Variants in GNAQ observed in about 807,000 individuals in gnomAD.
GNAQ encodes the protein guanine nucleotide-binding protein G(q) subunit alpha.
Under a neutral mutation model 43.9 loss-of-function variants are expected in GNAQ, and 8 were observed. The ratio of observed to expected loss-of-function variants is 0.18; its 90% CI spans 0.11 to 0.33. The LOEUF (loss-of-function observed/expected upper bound fraction) is 0.33, where lower values mean the gene tolerates loss of function less well. GNAQ is among the 10% of genes least tolerant of loss of function. GNAQ has a pLI of 1.00. For synonymous variants in GNAQ, 155 were observed against 170.7 expected (o/e 0.91, Z 0.71); for missense variants, 158 against 450.8 (o/e 0.35, Z 5.88).
intron 2 of GNAQ, among the ~76,000 whole-genome samples, chr9:77,912,212 T>C (rs1417607784): frequency 6.6e-6 from 1 of 152,062 alleles, no homozygotes; most frequent in African/African-American, 2.4e-5. Context: ...ACAAAATAGA[T>C]CAATGGAACA....
chr9:77,982,425 G>A (rs1336612998), intron 1 of GNAQ, among the ~76,000 whole-genome samples: 2 of 152,122 alleles, frequency 1.3e-5, no homozygotes, highest in Non-Finnish European at 2.9e-5. Flanking sequence ...TAATGTTATA[G>A]GCTTCTGAAA....
At chr9:77,970,954 C>T (rs193221484) in intron 1 of GNAQ, among the ~76,000 whole-genome samples, 140 of 152,122 alleles carry the variant, frequency 9.2e-4, no homozygotes, top group African/African-American at 3.2e-3. Context: ...ATATCACCAC[C>T]GATCCCACAG....
intron 2 of GNAQ, among the ~76,000 whole-genome samples, chr9:77,840,091 A>G (rs547383364): frequency 4.4e-4 from 67 of 152,308 alleles, no homozygotes; most frequent in Admixed American, 9.2e-4. Flanking sequence ...TCCAAAGTAC[A>G]TGTTTCATTT....
intron 1 of GNAQ, among the ~76,000 whole-genome samples, chr9:77,976,789 T>C (rs575745087): frequency 5.4e-4 from 82 of 152,318 alleles, no homozygotes; most frequent in African/African-American, 1.9e-3. Flanking sequence ...GATATTTTAT[T>C]TACCTGGAAA....
intron 2 of GNAQ, among the ~76,000 whole-genome samples, chr9:77,817,795 C>T (rs765533761): frequency 1.3e-5 from 2 of 152,094 alleles, no homozygotes; most frequent in African/African-American, 2.4e-5. Context: ...AGCGATGCTG[C>T]ATGGGGATGG....
At chr9:77,786,339 G>A (rs1826478498) in intron 5 of GNAQ, among the ~76,000 whole-genome samples, 2 of 146,104 alleles carry the variant, frequency 1.4e-5, no homozygotes, top group Non-Finnish European at 3.0e-5. Context: ...GATGGTGACA[G>A]AGTGAGACTC....
intron 1 of GNAQ, among the ~76,000 whole-genome samples, chr9:77,998,855 G>A (rs1456366831): frequency 6.6e-6 from 1 of 152,042 alleles, no homozygotes; most frequent in Non-Finnish European, 1.5e-5. Context: ...AGAAGGCCAA[G>A]GCGGGCAGAT....
Position 77,797,600 on chromosome 9 carries a change from C to T in GNAQ, c.525G>A (p.Thr175=), listed in dbSNP as rs781681141. 3.7e-5 allele frequency: 59 copies of T among 1,613,014 alleles called. No homozygotes were observed. Among genetic ancestry groups the T allele is most frequent in the Middle Eastern group, 1.6e-4 (1 of 6,084 alleles). Residue 175 remains threonine (T), a synonymous_variant, in exon 4 of 7, where the codon ACG becomes ACA. Transcript: ENST00000286548. ...CTCGAACTCTAAGCACATCTTGTTG[C>T]GTAGGCAGGTAGGCAGGGTCAGCTA... The part of the protein sequence containing the change: ...DRVADPAYLP[T]QQDVLRVRVP...
chr9:78,031,060 G>C, intron 1 of GNAQ, 40 bp downstream of exon 1: 1 of 1,374,300 alleles, frequency 7.3e-7, no homozygotes, highest in Non-Finnish European at 9.5e-7. Flanking sequence ...ATGGTGGGCT[G>C]GGGGCGCAGA....
intron 1 of GNAQ, among the ~76,000 whole-genome samples, 179 bp downstream of exon 1, chr9:78,030,913 GTGTGTGTC>G (rs1331396911): frequency 1.2e-3 from 175 of 141,186 alleles, no homozygotes; most frequent in Non-Finnish European, 1.5e-3. Context: ...GTGTGTGTGT[GTGTGTGTC>G]TGTGTGTAAC....
intron 2 of GNAQ, among the ~76,000 whole-genome samples, chr9:77,904,598 C>T (rs1340094470): frequency 6.6e-6 from 1 of 152,048 alleles, no homozygotes; most frequent in African/African-American, 2.4e-5. Flanking sequence ...TCCCAAAGTG[C>T]TGGGATTACA....
At chr9:77,888,541 T>A (rs1182493743) in intron 2 of GNAQ, among the ~76,000 whole-genome samples, 6 of 152,216 alleles carry the variant, frequency 3.9e-5, no homozygotes, top group African/African-American at 1.4e-4. Flanking sequence ...CTACTCATTG[T>A]CGCAATCCCC....
At chr9:77,892,330 T>A (rs906127462) in intron 2 of GNAQ, among the ~76,000 whole-genome samples, 4 of 152,178 alleles carry the variant, frequency 2.6e-5, no homozygotes, top group Non-Finnish European at 5.9e-5. Context: ...CCCTATGCCA[T>A]GTAAATGCAT....
chr9:77,924,677 G>A (rs1234862319), intron 1 of GNAQ, among the ~76,000 whole-genome samples: 1 of 152,106 alleles, frequency 6.6e-6, no homozygotes. Context: ...CCAAGCCCCT[G>A]GGCACTGTCC....
At chr9:77,993,692 A>C (rs967822811) in intron 1 of GNAQ, among the ~76,000 whole-genome samples, 1 of 151,686 alleles carries the variant, frequency 6.6e-6, no homozygotes, top group Admixed American at 6.6e-5. Flanking sequence ...ACAGAGCAAG[A>C]CTCCATCTCA....
At chr9:77,762,183 C>T (rs1233953564) in intron 5 of GNAQ, among the ~76,000 whole-genome samples, 167 of 115,406 alleles carry the variant, frequency 1.4e-3, no homozygotes, top group Middle Eastern at 6.2e-3. Flanking sequence ...CGCCTCTGCC[C>T]GGCCACCCCT....
At chr9:77,883,899 G>A (rs1013302446) in intron 2 of GNAQ, among the ~76,000 whole-genome samples, 1 of 152,174 alleles carries the variant, frequency 6.6e-6, no homozygotes, top group Non-Finnish European at 1.5e-5. Context: ...AAACTGCCAA[G>A]TTTATTTAAC....
chr9:77,837,116 T>A (rs1827401257), intron 2 of GNAQ, among the ~76,000 whole-genome samples: 1 of 152,168 alleles, frequency 6.6e-6, no homozygotes, highest in Admixed American at 6.5e-5. Context: ...TACTACTTCT[T>A]AGTTCAAGTA....
At chr9:77,789,348 G>C (rs968324538) in intron 5 of GNAQ, among the ~76,000 whole-genome samples, 2 of 152,092 alleles carry the variant, frequency 1.3e-5, no homozygotes, top group East Asian at 3.9e-4. Flanking sequence ...GAAGATATTT[G>C]TATACATATA....
Sources: allele counts gnomAD v4.1 joint callset (sites outside exome capture counted in the v4.1 genomes callset), GRCh38; gene constraint gnomAD v4.1.1; transcripts MANE v1.5; gene names NCBI Gene and HGNC (gene_info 2026-07-23, HGNC 2026-07-21).